Variants in LRMDA observed in about 807,000 individuals in gnomAD.
The protein encoded by LRMDA is leucine-rich melanocyte differentiation-associated protein.
Under a neutral mutation model 29.8 loss-of-function variants are expected in LRMDA, and 18 were observed. The observed-to-expected ratio is 0.60, with a 90% CI of 0.42 to 0.90. The LOEUF (loss-of-function observed/expected upper bound fraction) is 0.90, where lower values mean the gene tolerates loss of function less well. LRMDA is among the 40% of genes least tolerant of loss of function. The pLI is 0.00. For missense variants in LRMDA, 273 were observed against 273.9 expected, an observed-to-expected ratio of 1.00 and a Z score of 0.02; for synonymous variants, 125 against 109.4, an observed-to-expected ratio of 1.14 and a Z score of -0.89.
intron 5 of LRMDA, among the ~76,000 whole-genome samples, chr10:76,136,152 T>A (rs554343291): frequency 1.3e-5 from 2 of 152,216 alleles, no homozygotes; most frequent in Admixed American, 6.5e-5. Flanking sequence ...TATATGACAT[T>A]TGTACCAGGA....
At chr10:76,529,132 T>C (rs1464945052) in intron 6 of LRMDA, among the ~76,000 whole-genome samples, 1 of 152,174 alleles carries the variant, frequency 6.6e-6, no homozygotes, top group Non-Finnish European at 1.5e-5. Flanking sequence ...TCATCACCTG[T>C]GCTTGGTGAT....
At chr10:76,205,391 A>T (rs1291038514) in intron 5 of LRMDA, among the ~76,000 whole-genome samples, 1 of 152,198 alleles carries the variant, frequency 6.6e-6, no homozygotes, top group Non-Finnish European at 1.5e-5. Flanking sequence ...TCCCAAGTTC[A>T]GTAATGTGAA....
chr10:75,539,251 G>C (rs1225114135), intron 2 of LRMDA, among the ~76,000 whole-genome samples: 1 of 152,182 alleles, frequency 6.6e-6, no homozygotes, highest in East Asian at 1.9e-4. Context: ...CCATGGCTGT[G>C]TGTTAGAACC....
At chr10:76,050,396 A>G (rs1298391864) in intron 4 of LRMDA, among the ~76,000 whole-genome samples, 1 of 152,210 alleles carries the variant, frequency 6.6e-6, no homozygotes, top group Non-Finnish European at 1.5e-5. Context: ...TTAAATTTAT[A>G]TGTGAGCATG....
chr10:75,718,233 G>T (rs1029281816), intron 2 of LRMDA, among the ~76,000 whole-genome samples: 2 of 152,202 alleles, frequency 1.3e-5, no homozygotes, highest in African/African-American at 4.8e-5. Context: ...TGGATTGGCC[G>T]TGGAGACTCT....
rs182466713 is a variant in LRMDA, at chr10:75,622,207, G to T, written c.131+183713G>T. Among the ~76,000 whole-genome samples the T allele has an allele frequency of 4.6e-5, 7 of 152,272 alleles. No individual in the cohort carries two copies. In the East Asian group the frequency reaches 1.4e-3, roughly 29 times the overall value. On this transcript the variant is annotated intron_variant, in intron 2 of 6. Coordinates refer to ENST00000611255, the MANE Select transcript of LRMDA (RefSeq NM_001305581.2). ...GAGATGATGGTATAAGAAGAGAGAAGATTCTTAAGGCATTTTCTGTGAAGT... is the reference window on the plus strand; with the variant it reads ...GAGATGATGGTATAAGAAGAGAGAATATTCTTAAGGCATTTTCTGTGAAGT...
intron 2 of LRMDA, among the ~76,000 whole-genome samples, chr10:75,821,597 A>G (rs1440368051): frequency 1.3e-5 from 2 of 152,042 alleles, no homozygotes; most frequent in South Asian, 2.1e-4. Context: ...GTGAAACCCT[A>G]TCTGTACTAA....
At chr10:76,308,000 A>T (rs1290449316) in intron 5 of LRMDA, among the ~76,000 whole-genome samples, 2 of 152,150 alleles carry the variant, frequency 1.3e-5, no homozygotes, top group Non-Finnish European at 2.9e-5. Context: ...TTACCCTGGA[A>T]ATGTAGCAAG....
At chr10:75,484,860 T>C (rs1844894021) in intron 2 of LRMDA, among the ~76,000 whole-genome samples, 1 of 152,200 alleles carries the variant, frequency 6.6e-6, no homozygotes, top group South Asian at 2.1e-4. Context: ...GCCTCTAGAA[T>C]TGTGAGAAAA....
chr10:76,104,147 T>C (rs1849441551), intron 5 of LRMDA, among the ~76,000 whole-genome samples: 1 of 151,926 alleles, frequency 6.6e-6, no homozygotes, highest in Admixed American at 6.6e-5. Context: ...TGTGTTGTGT[T>C]TGTTTGTGTG....
chr10:75,798,695 T>A (rs542563854), intron 2 of LRMDA, among the ~76,000 whole-genome samples: 1 of 152,248 alleles, frequency 6.6e-6, no homozygotes, highest in South Asian at 2.1e-4. Context: ...GTTTTAAACA[T>A]TTTCTTGTGA....
intron 2 of LRMDA, among the ~76,000 whole-genome samples, chr10:75,472,585 C>T (rs1403120595): frequency 1.3e-5 from 2 of 152,204 alleles, no homozygotes; most frequent in Non-Finnish European, 2.9e-5. Context: ...AGTAGCTGCT[C>T]ATTCAATGGT....
chr10:75,855,747 T>C (rs1273857915), intron 2 of LRMDA, among the ~76,000 whole-genome samples: 13 of 152,228 alleles, frequency 8.5e-5, no homozygotes, highest in Admixed American at 6.5e-4. Context: ...TTGTATAAGG[T>C]GTAAGGAAGG....
At chr10:75,500,765 A>T (rs1845104352) in intron 2 of LRMDA, among the ~76,000 whole-genome samples, 1 of 152,176 alleles carries the variant, frequency 6.6e-6, no homozygotes, top group Non-Finnish European at 1.5e-5. Flanking sequence ...TAAAACTGTC[A>T]GATCTTGTGA....
At chr10:76,276,296 T>G (rs765029244) in intron 5 of LRMDA, among the ~76,000 whole-genome samples, 2 of 150,894 alleles carry the variant, frequency 1.3e-5, no homozygotes, top group Non-Finnish European at 2.9e-5. Flanking sequence ...TGTGCCACTA[T>G]GTCCAGCTAA....
chr10:76,023,882 C>T (rs912707205), intron 2 of LRMDA, among the ~76,000 whole-genome samples: 6 of 152,212 alleles, frequency 3.9e-5, no homozygotes, highest in Non-Finnish European at 7.3e-5. Flanking sequence ...TTTTCAAAAA[C>T]AATCTTTCAG....
At position 76,182,371 on chromosome 10, in the gene LRMDA, G is replaced by A. The variant is rs113966780; in HGVS notation, c.516+123588G>A. Among the ~76,000 whole-genome samples, 106 of 152,266 alleles carry A rather than the reference G, an allele frequency of 7.0e-4. 1 individual carries two copies. Among genetic ancestry groups the A allele is most frequent in the African/African-American group, 2.5e-3 (102 of 41,556 alleles). On this transcript the variant is annotated intron_variant, in intron 5 of 6. Transcript: ENST00000611255. ...CCAAGTTCTTCCCTCGACATGTGGG[G>A]ATTACAGTTCAAGGTGAGATTTGGG...
chr10:76,469,250 G>C (rs1170743579), intron 6 of LRMDA, among the ~76,000 whole-genome samples: 3 of 152,112 alleles, frequency 2.0e-5, no homozygotes, highest in Non-Finnish European at 4.4e-5. Flanking sequence ...AAGGGATATG[G>C]CATCTTACCC....
At chr10:75,607,215 CTTGAGTT>C (rs1412633105) in intron 2 of LRMDA, among the ~76,000 whole-genome samples, 1 of 152,194 alleles carries the variant, frequency 6.6e-6, no homozygotes, top group Non-Finnish European at 1.5e-5. Flanking sequence ...GAACAGTCCT[CTTGAGTT>C]TTAACTATCT....
Sources: gnomAD v4.1 joint callset for allele counts (sites outside exome capture counted in the v4.1 genomes callset) on GRCh38, gnomAD v4.1.1 for gene constraint, MANE v1.5 for transcripts, NCBI Gene and HGNC (gene_info 2026-07-23, HGNC 2026-07-21) for gene names.